The following DSTN variants were observed in gnomAD, a reference collection of about 807,000 sequenced individuals.
The protein encoded by DSTN is destrin, actin depolymerizing factor.
DSTN carries 10 observed loss-of-function variants against 16.8 expected under a neutral mutation model. The ratio of observed to expected loss-of-function variants is 0.60; its 90% CI spans 0.37 to 1.01. The LOEUF (loss-of-function observed/expected upper bound fraction) is 1.01, where lower values mean the gene tolerates loss of function less well. Among genes scored for constraint, DSTN ranks in the 50% least tolerant of loss-of-function variants. The probability of loss-of-function intolerance (pLI) is 0.01; values close to 1 mark genes in which losing one functional copy is unlikely to be tolerated. For synonymous variants in DSTN, 57 were observed against 58.9 expected (o/e 0.97, Z 0.14); for missense variants, 141 against 196.7 (o/e 0.72, Z 1.69).
chr20:17,596,569 T>G, intron 1 of DSTN: 1 of 970,726 alleles, frequency 1.0e-6, no homozygotes, highest in South Asian at 4.8e-5. Context: ...AATTTTTCTG[T>G]TTTTAACCTC....
chr20:17,593,122 G>A (rs1334074710), intron 1 of DSTN, among the ~76,000 whole-genome samples: 1 of 152,116 alleles, frequency 6.6e-6, no homozygotes, highest in Non-Finnish European at 1.5e-5. Context: ...CTCATCTCCT[G>A]TTGTATTTGC....
At chr20:17,578,376 T>G (rs2035302638) in intron 1 of DSTN, among the ~76,000 whole-genome samples, 1 of 152,206 alleles carries the variant, frequency 6.6e-6, no homozygotes, top group African/African-American at 2.4e-5. Flanking sequence ...TACCTTCTAT[T>G]CCCACATACC....
chr20:17,602,602 T>C (rs778773480), intron 2 of DSTN, among the ~76,000 whole-genome samples: 7 of 152,244 alleles, frequency 4.6e-5, no homozygotes, highest in Non-Finnish European at 7.3e-5. Flanking sequence ...TAGAACCTTA[T>C]TAAAGGCATT....
At chr20:17,601,097 C>T (rs776649627) in intron 2 of DSTN, 52 bp downstream of exon 2, 9 of 1,518,044 alleles carry the variant, frequency 5.9e-6, no homozygotes, top group African/African-American at 4.2e-5. Flanking sequence ...TGTTAGCACT[C>T]GGGAAGACCA....
chr20:17,581,248 AG>A (rs2122171103), intron 1 of DSTN, among the ~76,000 whole-genome samples: 1 of 152,272 alleles, frequency 6.6e-6, no homozygotes, highest in African/African-American at 2.4e-5. Flanking sequence ...TGGGAGGCCG[AG>A]GTGAGAGGAT....
At chr20:17,587,517 T>TA (rs895056279) in intron 1 of DSTN, among the ~76,000 whole-genome samples, 22 of 151,420 alleles carry the variant, frequency 1.5e-4, no homozygotes, top group East Asian at 3.9e-4. Flanking sequence ...ATAGGTACTT[T>TA]AAAAAAAAAG....
In DSTN at chr20:17,600,608, T is replaced by G. The variant is rs1475458976; in HGVS notation, c.4-130T>G. 35 of 1,122,652 alleles carry G rather than the reference T, an allele frequency of 3.1e-5. No individual in the cohort carries two copies. The Admixed American group carries it at 8.8e-4, about 28-fold the overall frequency. The allele number at this position is 1,122,652 out of a possible 1,614,324, so 69.5% of individuals were successfully genotyped here. ...ATTAGTAGTGATTACAGCTCAAATT[T>G]CTAGTTTTTTAATTAGATGATATAC... On this transcript the variant is annotated intron_variant, in intron 1 of 3. Transcript: ENST00000246069.
intron 1 of DSTN, among the ~76,000 whole-genome samples, chr20:17,587,427 T>C (rs2035423088): frequency 6.6e-6 from 1 of 152,174 alleles, no homozygotes; most frequent in Admixed American, 6.5e-5. Flanking sequence ...CACACCTGGT[T>C]AAGTCAGGCC....
rs183595369 is a variant in DSTN at position 17,591,027 on chromosome 20, G to C, written c.4-9711G>C. ...GGATGCTGAGGTAAGAGGATCGCTTGAGCCCGGGAGATTGAGGCTGCAGTG... is the reference window on the plus strand; with the variant it reads ...GGATGCTGAGGTAAGAGGATCGCTTCAGCCCGGGAGATTGAGGCTGCAGTG... On this transcript the variant is annotated intron_variant, in intron 1 of 3. Coordinates refer to ENST00000246069, the MANE Select transcript of DSTN (RefSeq NM_006870.4). Among the ~76,000 whole-genome samples the C allele has an allele frequency of 5.3e-5, 8 of 152,336 alleles. No homozygotes were observed. In the East Asian group the frequency reaches 1.5e-3, roughly 29 times the overall value.
intron 1 of DSTN, among the ~76,000 whole-genome samples, chr20:17,577,566 C>A (rs1398641902): frequency 6.9e-5 from 10 of 145,156 alleles, no homozygotes; most frequent in African/African-American, 5.0e-5. Flanking sequence ...GACCCTGTCT[C>A]AAAAAAAAAA....
intron 1 of DSTN, among the ~76,000 whole-genome samples, chr20:17,579,293 G>A (rs2035316979): frequency 6.6e-6 from 1 of 152,014 alleles, no homozygotes; most frequent in Non-Finnish European, 1.5e-5. Context: ...CAGTGGCACA[G>A]GCCAGGTGTG....
rs2035678520 is a variant in DSTN at position 17,609,654 on chromosome 20, CA to C, written c.*2509del. On this transcript the variant is annotated 3_prime_UTR_variant, in exon 4 of 4. Transcript: ENST00000246069. ...TCTAGGGGAACTTTTGAGAAAGTCT[CA>C]GTGGATTCCTGAGGCCCAAGAATTG... 1.3e-5 allele frequency: 2 copies of C among 152,136 alleles called. No individual in the cohort carries two copies. Among genetic ancestry groups the C allele is most frequent in the Admixed American group, 1.3e-4 (2 of 15,268 alleles). 9.4% of individuals were successfully genotyped at this position (152,136 alleles called of 1,614,324 possible).
At chr20:17,605,977 A>T (rs185738861) in intron 3 of DSTN, among the ~76,000 whole-genome samples, 207 of 152,054 alleles carry the variant, frequency 1.4e-3, no homozygotes, top group Admixed American at 3.0e-3. Context: ...GCGTGGTGGC[A>T]CATGCCTGTA....
At chr20:17,584,843 T>G (rs1285263097) in intron 1 of DSTN, among the ~76,000 whole-genome samples, 1 of 152,236 alleles carries the variant, frequency 6.6e-6, no homozygotes, top group Non-Finnish European at 1.5e-5. Context: ...TCACTGAAAG[T>G]AAGTCATAAG....
chr20:17,587,077 A>C lies in DSTN; in HGVS notation c.4-13661A>C, dbSNP rs6136140. On this transcript the variant is annotated intron_variant, in intron 1 of 3. Transcript: ENST00000246069. The stretch of plus-strand genomic sequence containing the variant: ...TTTCCCAGTTAATTGTAAAATCAGA[A>C]ATAGCCCTGTGTGTAGTATTGTTAC... 6.2e-3 allele frequency among the ~76,000 whole-genome samples: 943 copies of C among 152,288 alleles called. 24 individuals are homozygous for C. The East Asian group carries it at 0.081, about 13-fold the overall frequency.
rs1042373545 is a variant in DSTN at position 17,570,133 on chromosome 20, G to C, written c.-76G>C. The C allele has an allele frequency of 6.6e-7, 1 of 1,511,152 alleles. No homozygotes were observed. 93.6% of individuals were successfully genotyped at this position (1,511,152 alleles called of 1,614,324 possible). On this transcript the variant is annotated 5_prime_UTR_variant, in exon 1 of 4. Transcript: ENST00000246069. ...CAGCGCTGGGTCTCTCGGTCCCGCA[G>C]CCGTGAGGAGGACGGTCTGCATACT... is the stretch of plus-strand genomic sequence containing the variant.
At chr20:17,586,739 G>A (rs2035413448) in intron 1 of DSTN, among the ~76,000 whole-genome samples, 1 of 152,210 alleles carries the variant, frequency 6.6e-6, no homozygotes, top group African/African-American at 2.4e-5. Context: ...AGTCGAAGAA[G>A]CTCTAACTAG....
chr20:17,599,989 G>T (rs907843558), intron 1 of DSTN, among the ~76,000 whole-genome samples: 8 of 152,168 alleles, frequency 5.3e-5, no homozygotes, highest in African/African-American at 1.9e-4. Context: ...CATTCCTCAA[G>T]ATGAAAAAAT....
In DSTN at chr20:17,608,272, G is replaced by A. The variant is rs2035663221; in HGVS notation, c.*1126G>A. On this transcript the variant is annotated 3_prime_UTR_variant, in exon 4 of 4. Coordinates refer to ENST00000246069, the MANE Select transcript of DSTN (RefSeq NM_006870.4). The stretch of plus-strand genomic sequence containing the variant: ...TCGTGTAATTTTCATGTGTGAATTG[G>A]GAATACAGGATTTTGCCTTCCATAT... 6.6e-6 allele frequency: 1 copy of A among 152,178 alleles called. No homozygotes were observed. Among genetic ancestry groups the A allele is most frequent in the Admixed American group, 6.5e-5 (1 of 15,274 alleles). 9.4% of individuals were successfully genotyped at this position (152,178 alleles called of 1,614,324 possible).
Sources: gnomAD v4.1 joint callset for allele counts (sites outside exome capture counted in the v4.1 genomes callset) on GRCh38, gnomAD v4.1.1 for gene constraint, MANE v1.5 for transcripts, NCBI Gene and HGNC (gene_info 2026-07-23, HGNC 2026-07-21) for gene names.